USH2A: variants seen among roughly 807,000 people sequenced by gnomAD.
USH2A encodes the protein Usher syndrome 2A (autosomal recessive, mild).
Under a neutral mutation model 538.9 loss-of-function variants are expected in USH2A, and 443 were observed. The observed-to-expected ratio is 0.82, with a 90% CI of 0.76 to 0.89. The LOEUF (loss-of-function observed/expected upper bound fraction) is 0.89, where lower values mean the gene tolerates loss of function less well. Ranked by LOEUF, USH2A falls within the 40% of genes least tolerant of loss-of-function variation. USH2A has a pLI of 0.00. For missense variants in USH2A, 6,633 were observed against 6,324.8 expected (o/e 1.05, Z -1.65); for synonymous variants, 2,413 against 2,273.5 (o/e 1.06, Z -1.75).
intron 3 of USH2A, among the ~76,000 whole-genome samples, chr1:216,393,211 C>T (rs746880245): frequency 6.6e-6 from 1 of 152,112 alleles, no homozygotes; most frequent in Non-Finnish European, 1.5e-5. Flanking sequence ...TGCACTTATT[C>T]GAGTGTGCTA....
At chr1:215,772,320 A>C (rs1408822093) in intron 55 of USH2A, among the ~76,000 whole-genome samples, 1 of 152,222 alleles carries the variant, frequency 6.6e-6, no homozygotes, top group Non-Finnish European at 1.5e-5. Flanking sequence ...AACATCATTC[A>C]AGTGCTCAGC....
chr1:215,909,421 C>T (rs12034100), intron 38 of USH2A, among the ~76,000 whole-genome samples: 77,789 of 151,384 alleles, frequency 0.51, 20,671 homozygotes, highest in East Asian at 0.68. Context: ...ACACCAAGAG[C>T]GAATCTTAGT....
At chr1:216,137,320 A>G (rs754784508) in intron 21 of USH2A, among the ~76,000 whole-genome samples, 9 of 152,206 alleles carry the variant, frequency 5.9e-5, no homozygotes, top group Non-Finnish European at 8.8e-5. Context: ...GACTTACAGT[A>G]CTACATGGCT....
At chr1:216,057,448 G>A (rs902920197) in intron 30 of USH2A, among the ~76,000 whole-genome samples, 5 of 152,088 alleles carry the variant, frequency 3.3e-5, no homozygotes, top group Admixed American at 2.0e-4. Flanking sequence ...CTGAGGTCAG[G>A]AGTTTGAGAT....
At chr1:215,834,862 G>A (rs1282891215) in intron 47 of USH2A, among the ~76,000 whole-genome samples, 1 of 149,230 alleles carries the variant, frequency 6.7e-6, no homozygotes, top group Non-Finnish European at 1.5e-5. Flanking sequence ...ACTCTCTATT[G>A]TTTTTTCTTT....
intron 18 of USH2A, among the ~76,000 whole-genome samples, chr1:216,197,374 A>G (rs919924633): frequency 6.6e-6 from 1 of 152,172 alleles, no homozygotes; most frequent in Non-Finnish European, 1.5e-5. Flanking sequence ...CTAGTGACCC[A>G]TAAGATTACG....
At chr1:216,263,606 G>A (rs1254331853) in intron 11 of USH2A, among the ~76,000 whole-genome samples, 1 of 152,052 alleles carries the variant, frequency 6.6e-6, no homozygotes, top group East Asian at 1.9e-4. Context: ...AATTAGTATG[G>A]AAGAAATGTA....
At chr1:216,006,973 ATGT>A (rs1448006531) in intron 32 of USH2A, among the ~76,000 whole-genome samples, 1 of 152,098 alleles carries the variant, frequency 6.6e-6, no homozygotes, top group Non-Finnish European at 1.5e-5. Flanking sequence ...TAATTCCCAC[ATGT>A]TGTGGGAGGG....
intron 11 of USH2A, among the ~76,000 whole-genome samples, chr1:216,257,627 T>G (rs2036283603): frequency 6.6e-6 from 1 of 151,922 alleles, no homozygotes; most frequent in Non-Finnish European, 1.5e-5. Context: ...TATTTGAATA[T>G]TTTTTATATT....
intron 37 of USH2A, among the ~76,000 whole-genome samples, chr1:215,941,896 C>T (rs17581848): frequency 0.028 from 4,327 of 152,240 alleles, 91 homozygotes; most frequent in Non-Finnish European, 0.041. Context: ...GCTACAGTCA[C>T]ACAGTAAGGT....
At chr1:215,837,115 T>C (rs1663554068) in intron 47 of USH2A, among the ~76,000 whole-genome samples, 1 of 152,178 alleles carries the variant, frequency 6.6e-6, no homozygotes, top group Non-Finnish European at 1.5e-5. Context: ...AGTTGAATTT[T>C]TCTAATTATT....
rs1558037935 is a variant in USH2A, at chr1:215,650,681, CT to C, written c.14253del (p.Val4752TrpfsTer54). The C allele has an allele frequency of 6.2e-7, 1 of 1,614,098 alleles. No individual in the cohort carries two copies. Among genetic ancestry groups the C allele is most frequent in the Admixed American group, 1.7e-5 (1 of 60,006 alleles). On this transcript the variant is annotated frameshift_variant, in exon 65 of 72. Coordinates refer to ENST00000307340, the MANE Select transcript of USH2A (RefSeq NM_206933.4). LOFTEE classifies it high-confidence loss of function. ...TTCCCAGGGGCACTGATGTTGACCA[CT>C]GCTTGGGTAGAAGAGATCACATGGA... is the stretch of plus-strand genomic sequence containing the variant. ...PTFHVISSTQ[A>X]VVNISAPGKP...
chr1:215,631,598 G>T (rs1340266816), intron 70 of USH2A, among the ~76,000 whole-genome samples: 2 of 152,190 alleles, frequency 1.3e-5, no homozygotes, highest in Non-Finnish European at 2.9e-5. Context: ...CAGGCTCAGG[G>T]GAATTCCACC....
At chr1:215,645,490 T>A (rs1656816553) in intron 67 of USH2A, among the ~76,000 whole-genome samples, 1 of 152,200 alleles carries the variant, frequency 6.6e-6, no homozygotes, top group African/African-American at 2.4e-5. Context: ...CAGTTTATAG[T>A]TCTGCCTCAG....
At chr1:216,008,562 G>A (rs915781080) in intron 32 of USH2A, among the ~76,000 whole-genome samples, 4 of 152,110 alleles carry the variant, frequency 2.6e-5, no homozygotes, top group Non-Finnish European at 4.4e-5. Context: ...GAAATTTGGT[G>A]CCGTGACTCG....
chr1:215,912,459 A>ATATATATATATACG lies in USH2A; in HGVS notation c.7301-11555_7301-11554insCGTATATATATATA, dbSNP rs1243809651. Among the ~76,000 whole-genome samples, 538 of 30,540 alleles carry ATATATATATATACG rather than the reference A, an allele frequency of 0.018. 11 individuals carry two copies. The East Asian group carries it at 0.18, about 10-fold the overall frequency. 20.0% of individuals were successfully genotyped at this position (30,540 alleles called of 152,430 possible). A position where few individuals can be genotyped will look rare whatever the true frequency, so the allele number is the denominator to read the frequency against. On this transcript the variant is annotated intron_variant, in intron 38 of 71. Transcript: ENST00000307340. ...GGGTAGGTAGTAGGTATGTGTATAT[A>ATATATATATATACG]TATATATATATATATACGTATATAT...
chr1:215,964,323 C>G (rs950908008), intron 37 of USH2A, among the ~76,000 whole-genome samples: 2 of 152,148 alleles, frequency 1.3e-5, no homozygotes, highest in African/African-American at 4.8e-5. Context: ...AAGGGACACA[C>G]CAATCTTTGA....
rs189371278 is a variant in USH2A at position 216,346,000 on chromosome 1, A to G, written c.785-18346T>C. ...CAGTAGCTGAGGCTTTCTTTTCACA[A>G]TGGTGACCCAGGTTCAGGGTTCAAT... On this transcript the variant is annotated intron_variant, in intron 4 of 71. Transcript: ENST00000307340. Among the ~76,000 whole-genome samples the G allele has an allele frequency of 4.2e-3, 632 of 152,152 alleles. 3 individuals are homozygous for G. Among genetic ancestry groups the G allele is most frequent in the Non-Finnish European group, 4.9e-3 (333 of 67,980 alleles).
In USH2A at chr1:216,097,214, C is replaced by T; in HGVS notation, c.4628-1G>A. On this transcript the variant is annotated splice_acceptor_variant, in intron 21 of 71. Transcript: ENST00000307340. LOFTEE classifies it high-confidence loss of function. ...TTTGTTCGAAAGCTGGCCTTAATGC[C>T]TGGTAAGACAAGTGTGATCAGCAAA... 6.2e-7 allele frequency: 1 copy of T among 1,614,114 alleles called. No individual in the cohort carries two copies. The highest frequency in any genetic ancestry group is 8.5e-7 in the Non-Finnish European group (1 of 1,179,994).
Sources: gnomAD v4.1 joint callset for allele counts (sites outside exome capture counted in the v4.1 genomes callset) on GRCh38, gnomAD v4.1.1 for gene constraint, MANE v1.5 for transcripts, NCBI Gene and HGNC (gene_info 2026-07-23, HGNC 2026-07-21) for gene names.